The following DEK variants were observed in gnomAD, a reference collection of about 807,000 sequenced individuals.
DEK encodes the protein DEK proto-oncogene.
DEK carries 28 observed loss-of-function variants against 46.8 expected under a neutral mutation model. The ratio of observed to expected loss-of-function variants is 0.60; its 90% CI spans 0.44 to 0.82. DEK has a LOEUF of 0.82. Ranked by LOEUF, DEK falls within the 40% of genes least tolerant of loss-of-function variation. DEK has a pLI of 0.00. For synonymous variants in DEK, 160 were observed against 144.5 expected (o/e 1.11, Z -0.77); for missense variants, 416 against 430.6 (o/e 0.97, Z 0.30).
chr6:18,245,662 C>T (rs1167584102), intron 7 of DEK, among the ~76,000 whole-genome samples: 4 of 152,182 alleles, frequency 2.6e-5, no homozygotes, highest in Non-Finnish European at 5.9e-5. Context: ...ACTATTTCCC[C>T]CTTTTTTCTG....
chr6:18,231,436 T>C (rs970512415), intron 9 of DEK, among the ~76,000 whole-genome samples: 1 of 152,060 alleles, frequency 6.6e-6, no homozygotes, highest in East Asian at 1.9e-4. Context: ...CAGGAGCTGG[T>C]TTTTTGAAAA....
At chr6:18,259,524 G>C (rs1034640159) in intron 2 of DEK, among the ~76,000 whole-genome samples, 5 of 146,238 alleles carry the variant, frequency 3.4e-5, no homozygotes, top group Non-Finnish European at 6.0e-5. Flanking sequence ...AATAAAGTCA[G>C]ATAAAAGAAT....
At chr6:18,237,552 G>C in intron 7 of DEK, 36 bp from the exon 8 acceptor site, 1 of 1,581,462 alleles carries the variant, frequency 6.3e-7, no homozygotes, top group Non-Finnish European at 8.6e-7. Context: ...ACATATTGAT[G>C]AGATTCAATG....
intron 9 of DEK, among the ~76,000 whole-genome samples, chr6:18,227,200 C>T (rs1239691027): frequency 3.3e-5 from 5 of 152,054 alleles, no homozygotes; most frequent in African/African-American, 9.7e-5. Flanking sequence ...GAGGAAGGAA[C>T]GCCTCTTTGC....
chr6:18,261,411 A>G (rs1462231441), intron 2 of DEK, among the ~76,000 whole-genome samples: 1 of 152,154 alleles, frequency 6.6e-6, no homozygotes, highest in African/African-American at 2.4e-5. Context: ...TGTCTCTATT[A>G]AAAATACAAA....
chr6:18,257,421 G>A (rs113979206), intron 4 of DEK, among the ~76,000 whole-genome samples: 12 of 152,246 alleles, frequency 7.9e-5, no homozygotes, highest in African/African-American at 2.6e-4. Flanking sequence ...ACAGGAGAAA[G>A]AGCCCTAGAG....
chr6:18,249,952 C>G lies in DEK; in HGVS notation c.574-113G>C, dbSNP rs893803843. On this transcript the variant is annotated intron_variant, in intron 6 of 10. Coordinates refer to ENST00000652689, the MANE Select transcript of DEK (RefSeq NM_003472.4). ...TTCCTCTCTCAAGAAATTGTATTTA[C>G]AAGCCCAGCAGCTTTGCAGAGAATA... is the stretch of plus-strand genomic sequence containing the variant. 105 of 1,409,100 alleles carry G rather than the reference C, an allele frequency of 7.5e-5. 2 individuals carry two copies. In the South Asian group the frequency reaches 1.6e-3, roughly 22 times the overall value. 87.3% of individuals were successfully genotyped at this position (1,409,100 alleles called of 1,614,324 possible).
chr6:18,258,433 T>C (rs767093224), intron 2 of DEK, 28 bp from the exon 3 acceptor site: 3 of 1,547,174 alleles, frequency 1.9e-6, no homozygotes, highest in East Asian at 4.5e-5. Flanking sequence ...ATTTCTTAAT[T>C]AACAAAAAGC....
chr6:18,253,313 C>T lies in DEK; in HGVS notation c.573+2418G>A, dbSNP rs530561345. 5.3e-4 allele frequency among the ~76,000 whole-genome samples: 80 copies of T among 152,250 alleles called. 2 individuals carry two copies. The South Asian group carries it at 0.015, about 28-fold the overall frequency. On this transcript the variant is annotated intron_variant, in intron 6 of 10. Coordinates refer to ENST00000652689, the MANE Select transcript of DEK (RefSeq NM_003472.4). The stretch of plus-strand genomic sequence containing the variant: ...TTCAAGGAAAACTGAGAGCATTTAT[C>T]GCCAATGATAAACGTTATGATTTCA...
chr6:18,244,230 C>T (rs540479233), intron 7 of DEK, among the ~76,000 whole-genome samples: 4 of 152,134 alleles, frequency 2.6e-5, no homozygotes, highest in South Asian at 2.1e-4. Flanking sequence ...TTTAAAGATT[C>T]GAGTTTGCTA....
intron 9 of DEK, among the ~76,000 whole-genome samples, chr6:18,233,492 AATTTACAAG>A (rs942578153): frequency 1.3e-5 from 2 of 152,216 alleles, no homozygotes; most frequent in African/African-American, 4.8e-5. Context: ...AAAGAACTTA[AATTTACAAG>A]AAAAAATCAA....
intron 9 of DEK, among the ~76,000 whole-genome samples, chr6:18,234,601 A>G (rs1790569436): frequency 6.6e-6 from 1 of 152,128 alleles, no homozygotes; most frequent in East Asian, 1.9e-4. Flanking sequence ...AGTGTCTCAC[A>G]CTGCTACTGT....
intron 6 of DEK, among the ~76,000 whole-genome samples, chr6:18,250,335 G>A (rs1791312172): frequency 6.6e-6 from 1 of 152,026 alleles, no homozygotes; most frequent in South Asian, 2.1e-4. Flanking sequence ...CGGGCGTGGT[G>A]GCGGGCGCCT....
At chr6:18,233,501 GA>G (rs1184509303) in intron 9 of DEK, among the ~76,000 whole-genome samples, 1 of 152,072 alleles carries the variant, frequency 6.6e-6, no homozygotes, top group Non-Finnish European at 1.5e-5. Context: ...AAATTTACAA[GA>G]AAAAATCAAA....
rs1378633529 is a variant in DEK, at chr6:18,224,063, C to T, written c.*1656G>A. On this transcript the variant is annotated 3_prime_UTR_variant, in exon 11 of 11. Coordinates refer to ENST00000652689, the MANE Select transcript of DEK (RefSeq NM_003472.4). ...GGTCCATTACCACAAAAGAGTATTC[C>T]AAATTGTATAGGTTATAGGGCTGAA... 1 of 158,804 alleles carries T rather than the reference C, an allele frequency of 6.3e-6. No homozygotes were observed. Among genetic ancestry groups the T allele is most frequent in the Non-Finnish European group, 1.4e-5 (1 of 72,066 alleles). 9.8% of individuals were successfully genotyped at this position (158,804 alleles called of 1,614,324 possible).
At position 18,258,303 on chromosome 6, in the gene DEK, C is replaced by T; in HGVS notation, c.247+1G>A. ...ATGAAAGGAAGCTAGAATAAACTTACCTTGTGCAATTGTAAATGGCTCTCT... is the reference window on the plus strand; with the variant it reads ...ATGAAAGGAAGCTAGAATAAACTTATCTTGTGCAATTGTAAATGGCTCTCT... On this transcript the variant is annotated splice_donor_variant, in intron 3 of 10. Coordinates refer to ENST00000652689, the MANE Select transcript of DEK (RefSeq NM_003472.4). LOFTEE classifies it high-confidence loss of function. 6.2e-7 allele frequency: 1 copy of T among 1,604,490 alleles called. No homozygotes were observed. Among genetic ancestry groups the T allele is most frequent in the Non-Finnish European group, 8.5e-7 (1 of 1,177,000 alleles).
chr6:18,243,043 G>A lies in DEK; in HGVS notation c.763-5527C>T, dbSNP rs116201935. Among the ~76,000 whole-genome samples, 638 of 152,270 alleles carry A rather than the reference G, an allele frequency of 4.2e-3. 3 individuals are homozygous for A. The highest frequency in any genetic ancestry group is 0.014 in the African/African-American group (571 of 41,556). ...AAATGACAGCAATCGGGCTTGGCATGATCTGCAGTTTCAGGCATACACTGG... is the reference window on the plus strand; with the variant it reads ...AAATGACAGCAATCGGGCTTGGCATAATCTGCAGTTTCAGGCATACACTGG... On this transcript the variant is annotated intron_variant, in intron 7 of 10. Coordinates refer to ENST00000652689, the MANE Select transcript of DEK (RefSeq NM_003472.4).
intron 9 of DEK, among the ~76,000 whole-genome samples, chr6:18,227,905 C>CT (rs1365969580): frequency 6.6e-6 from 1 of 152,220 alleles, no homozygotes; most frequent in African/African-American, 2.4e-5. Context: ...CAATGAACTG[C>CT]TTCCTCTACT....
At chr6:18,226,132 C>A in intron 10 of DEK, 42 bp downstream of exon 10, 1 of 1,229,924 alleles carries the variant, frequency 8.1e-7, no homozygotes, top group Non-Finnish European at 1.1e-6. Flanking sequence ...TTACTTTTGT[C>A]TTATATTTCT....
Sources: allele counts gnomAD v4.1 joint callset (sites outside exome capture counted in the v4.1 genomes callset), GRCh38; gene constraint gnomAD v4.1.1; transcripts MANE v1.5; gene names NCBI Gene and HGNC (gene_info 2026-07-23, HGNC 2026-07-21).